Variants in BTBD6 observed in about 807,000 individuals in gnomAD.
BTBD6 encodes BTB domain containing 6.
A neutral mutation model predicts 40.6 loss-of-function variants in BTBD6; 30 were observed. The ratio of observed to expected loss-of-function variants is 0.74; its 90% confidence interval spans 0.55 to 1.00. The LOEUF (loss-of-function observed/expected upper bound fraction) is 1.00. Ranked by LOEUF, BTBD6 falls within the 50% of genes least tolerant of loss-of-function variation. BTBD6 has a pLI of 0.00. For synonymous variants in BTBD6, 378 were observed against 308.7 expected, an observed-to-expected ratio of 1.22 and a Z score of -2.35; for missense variants, 698 against 694.6, an observed-to-expected ratio of 1.00 and a Z score of -0.06.
chr14:105,249,765 A>G lies in BTBD6; in HGVS notation c.710A>G (p.Glu237Gly), dbSNP rs1013652929. ...GTCAACTTTCTGGAGACAAGTTTGG[A>G]AGCCAAGAACGCCTGCGTCCTGCTG... ...ACVNFLETSLEAKNACVLLSQ... is the reference protein window; with the variant it reads ...ACVNFLETSLGAKNACVLLSQ... The change falls in exon 4 of 4, where the codon GAA (glutamate) becomes GGA (glycine). Residue 237 changes from glutamate (E) to glycine (G), a missense_variant. Coordinates refer to ENST00000392554, the MANE Select transcript of BTBD6 (RefSeq NM_001387567.1). The G allele has an allele frequency of 1.2e-6, 2 of 1,613,792 alleles. No individual in the cohort carries two copies. Among genetic ancestry groups the G allele is most frequent in the Non-Finnish European group, 1.7e-6 (2 of 1,180,058 alleles).
rs2055299379 is a variant in BTBD6 at position 105,248,561 on chromosome 14, G to A, written c.-151G>A. 24 of 898,774 alleles carry A rather than the reference G, an allele frequency of 2.7e-5. No individual in the cohort carries two copies. The highest frequency in any genetic ancestry group is 1.4e-4 in the Admixed American group (2 of 14,136). The allele number at this position is 898,774 out of a possible 1,614,324, so 55.7% of individuals were successfully genotyped here. ...GCGTGACGCACCGGCGCCGCGGCGG[G>A]TACGGGCTCGGGCGGGCGGGCGGGC... On this transcript the variant is annotated 5_prime_UTR_variant, in exon 1 of 4. Coordinates refer to ENST00000392554, the MANE Select transcript of BTBD6 (RefSeq NM_001387567.1).
In BTBD6 at chr14:105,248,622, T is replaced by G; in HGVS notation, c.-90T>G. The G allele has an allele frequency of 1.0e-6, 1 of 976,034 alleles. No individual in the cohort carries two copies. Among genetic ancestry groups the G allele is most frequent in the Non-Finnish European group, 1.2e-6 (1 of 825,796 alleles). The allele number at this position is 976,034 out of a possible 1,614,324, so 60.5% of individuals were successfully genotyped here. On this transcript the variant is annotated 5_prime_UTR_variant, in exon 1 of 4. Transcript: ENST00000392554. ...CCCCCGCGGCCGGGCCTGGCCGGGC[T>G]GCGCTAGGCTGGGCTCGGGCAGGGT...
rs771678585 is a variant in BTBD6, at chr14:105,250,417, C to G, written c.1362C>G (p.Asn454Lys). 4 of 1,613,938 alleles carry G rather than the reference C, an allele frequency of 2.5e-6. No homozygotes were observed. The South Asian group carries it at 3.3e-5, about 13-fold the overall frequency. ...GGCTCGGGGTGGTTCTGGCTCAGAA[C>G]TTGACCAAGTTCATGTCAGACGGAT... Reference protein sequence around the residue: ...LKRLGVVLAQNLTKFMSDGSS... With the variant: ...LKRLGVVLAQKLTKFMSDGSS... The change falls in exon 4 of 4, where the codon AAC becomes AAG. Residue 454 changes from asparagine (N) to lysine (K), a missense_variant. Coordinates refer to ENST00000392554, the MANE Select transcript of BTBD6 (RefSeq NM_001387567.1).
At position 105,250,516 on chromosome 14, in the gene BTBD6, C is replaced by T. The variant is rs144025748; in HGVS notation, c.1461C>T (p.Ala487=). The change falls in exon 4 of 4, where the codon GCC becomes GCT. Residue 487 remains alanine, a synonymous_variant. Transcript: ENST00000392554. ...VEQDTFYTAS[A]VLDGSELSYF... is the part of the protein sequence containing the mutation. ...AAGACACCTTCTACACGGCCAGTGC[C>T]GTCCTGGACGGCAGCGAACTCAGCT... 10 of 1,613,958 alleles carry T rather than the reference C, an allele frequency of 6.2e-6. No individual in the cohort carries two copies. The highest frequency in any genetic ancestry group is 2.7e-5 in the African/African-American group (2 of 74,924).
Position 105,249,012 on chromosome 14 carries a change from G to T in BTBD6, c.301G>T (p.Ala101Ser), listed in dbSNP as rs1481864824. 1 of 1,094,774 alleles carries T rather than the reference G, an allele frequency of 9.1e-7. No individual in the cohort carries two copies. The highest frequency in any genetic ancestry group is 4.3e-5 in the South Asian group (1 of 23,222). 67.8% of individuals were successfully genotyped at this position (1,094,774 alleles called of 1,614,324 possible). A position where few individuals can be genotyped will look rare whatever the true frequency, so the allele number is the denominator to read the frequency against. Residue 101 changes from alanine to serine, a missense_variant, in exon 1 of 4, where the codon GCG becomes TCG. Ala to Ser is a moderately conservative substitution (Grantham distance 99). Coordinates refer to ENST00000392554, the MANE Select transcript of BTBD6 (RefSeq NM_001387567.1). ...GCCAGCGCCGCCGCCGCCCGCGCCC[G>T]CGCCGCCCACACTCGGCAACAACCA... is the stretch of plus-strand genomic sequence containing the variant. ...PAPAPPPPAP[A>S]PPTLGNNHQE...
chr14:105,248,833 C>G lies in BTBD6; in HGVS notation c.122C>G (p.Thr41Arg), dbSNP rs186857534. 4,038 of 989,138 alleles carry G rather than the reference C, an allele frequency of 4.1e-3. 151 individuals are homozygous for G. The African/African-American group carries it at 0.067, about 16-fold the overall frequency. The allele number at this position is 989,138 out of a possible 1,614,324, so 61.3% of individuals were successfully genotyped here. ...RGARARGAAS[T>R]GAEAAPAAPP... ...GCGAGGGCGCGGGGCGCGGCGTCCA[C>G]AGGCGCCGAGGCTGCCCCCGCCGCC... is the stretch of plus-strand genomic sequence containing the variant. The change falls in exon 1 of 4, where the codon ACA (threonine) becomes AGA (arginine). Residue 41 changes from threonine (T) to arginine (R), a missense_variant. By Grantham distance (71) the Thr-to-Arg change is moderately conservative. Coordinates refer to ENST00000392554, the MANE Select transcript of BTBD6 (RefSeq NM_001387567.1).
chr14:105,251,081 G>C lies in BTBD6; in HGVS notation c.*409G>C. 1 of 210,764 alleles carries C rather than the reference G, an allele frequency of 4.7e-6. No individual in the cohort carries two copies. Among genetic ancestry groups the C allele is most frequent in the Non-Finnish European group, 1.1e-5 (1 of 94,668 alleles). 13.1% of individuals were successfully genotyped at this position (210,764 alleles called of 1,614,324 possible). A position where few individuals can be genotyped will look rare whatever the true frequency, so the allele number is the denominator to read the frequency against. On this transcript the variant is annotated 3_prime_UTR_variant, in exon 4 of 4. Transcript: ENST00000392554. ...ATAGTGGACTTCTGTAATAAAGGTTGCCTAAAATAACACCCACGTGTCAGT... is the reference window on the plus strand; with the variant it reads ...ATAGTGGACTTCTGTAATAAAGGTTCCCTAAAATAACACCCACGTGTCAGT...
chr14:105,248,857 C>T lies in BTBD6; in HGVS notation c.146C>T (p.Ala49Val), dbSNP rs1015080509. 3.0e-6 allele frequency: 3 copies of T among 990,512 alleles called. No homozygotes were observed. The highest frequency in any genetic ancestry group is 6.2e-5 in the Admixed American group (1 of 16,106). 61.4% of individuals were successfully genotyped at this position (990,512 alleles called of 1,614,324 possible). Residue 49 changes from alanine to valine, a missense_variant, in exon 1 of 4, where the codon GCC becomes GTC. Ala to Val is a moderately conservative substitution (Grantham distance 64). Transcript: ENST00000392554. Reference sequence around the variant, plus strand: ...ACAGGCGCCGAGGCTGCCCCCGCCGCCCCGCCCGCGAAGATGGCGGCGGAA... The same window carrying T: ...ACAGGCGCCGAGGCTGCCCCCGCCGTCCCGCCCGCGAAGATGGCGGCGGAA... ...ASTGAEAAPA[A>V]PPAKMAAELY...
rs1446040131 is a variant in BTBD6, at chr14:105,248,601, CG to C, written c.-110del. On this transcript the variant is annotated 5_prime_UTR_variant, in exon 1 of 4. Transcript: ENST00000392554. The stretch of plus-strand genomic sequence containing the variant: ...GGCGGGCGGGCGGGACGGCGCCCCC[CG>C]CGGCCGGGCCTGGCCGGGCTGCGCT... 1 of 961,536 alleles carries C rather than the reference CG, an allele frequency of 1.0e-6. No individual in the cohort carries two copies. Among genetic ancestry groups the C allele is most frequent in the Non-Finnish European group, 1.2e-6 (1 of 815,198 alleles). The allele number at this position is 961,536 out of a possible 1,614,324, so 59.6% of individuals were successfully genotyped here.
At position 105,250,426 on chromosome 14, in the gene BTBD6, G is replaced by GTT. The variant is rs770927803; in HGVS notation, c.1372_1373dup (p.Met459SerfsTer45). 135 of 1,613,876 alleles carry GTT rather than the reference G, an allele frequency of 8.4e-5. No individual in the cohort carries two copies. Among genetic ancestry groups the GTT allele is most frequent in the Non-Finnish European group, 1.1e-4 (133 of 1,180,052 alleles). ...TGGTTCTGGCTCAGAACTTGACCAA[G>GTT]TTCATGTCAGACGGATCCAGTAACA... On this transcript the variant is annotated frameshift_variant, in exon 4 of 4. Coordinates refer to ENST00000392554, the MANE Select transcript of BTBD6 (RefSeq NM_001387567.1). LOFTEE classifies it high-confidence loss of function.
chr14:105,249,592 G>A (rs2055456213), intron 3 of BTBD6, 48 bp from the exon 4 acceptor site: 14 of 1,587,136 alleles, frequency 8.8e-6, no homozygotes, highest in Non-Finnish European at 1.1e-5. Flanking sequence ...CCAGCCCCGC[G>A]ATGGGTGCTT....
At position 105,250,923 on chromosome 14, in the gene BTBD6, C is replaced by G. The variant is rs2055570979; in HGVS notation, c.*251C>G. 1 of 506,490 alleles carries G rather than the reference C, an allele frequency of 2.0e-6. No homozygotes were observed. The allele number at this position is 506,490 out of a possible 1,614,324, so 31.4% of individuals were successfully genotyped here. A position where few individuals can be genotyped will look rare whatever the true frequency, so the allele number is the denominator to read the frequency against. On this transcript the variant is annotated 3_prime_UTR_variant, in exon 4 of 4. Coordinates refer to ENST00000392554, the MANE Select transcript of BTBD6 (RefSeq NM_001387567.1). The stretch of plus-strand genomic sequence containing the variant: ...TTACGGCTCAAGACAGGCCCCAGAT[C>G]CCCTCCCAGTGGCACCCATGCCACC...
chr14:105,250,450 C>A lies in BTBD6; in HGVS notation c.1395C>A (p.Asn465Lys). Residue 465 changes from asparagine to lysine, a missense_variant, in exon 4 of 4, where the codon AAC becomes AAA. Transcript: ENST00000392554. ...LTKFMSDGSSNTFPVWFEHPV... is the reference protein window; with the variant it reads ...LTKFMSDGSSKTFPVWFEHPV... ...AGTTCATGTCAGACGGATCCAGTAA[C>A]ACCTTCCCGGTCTGGTTTGAACACC... is the stretch of plus-strand genomic sequence containing the variant. 1 of 1,614,020 alleles carries A rather than the reference C, an allele frequency of 6.2e-7. No homozygotes were observed. Among genetic ancestry groups the A allele is most frequent in the Non-Finnish European group, 8.5e-7 (1 of 1,180,034 alleles).
Position 105,249,203 on chromosome 14 carries a change from G to C in BTBD6, c.421G>C (p.Val141Leu), listed in dbSNP as rs758096727. Residue 141 changes from valine (V) to leucine (L), a missense_variant, in exon 2 of 4, where the codon GTC becomes CTC. Physicochemically the swap from Val to Leu is conservative, Grantham distance 32. Transcript: ENST00000392554. The stretch of plus-strand genomic sequence containing the variant: ...CGAGCTCATGGCCGACGTGCACTTC[G>C]TCGTGGGGCCCCCGGGGGCGACCAG... ...NNELMADVHF[V>L]VGPPGATRTV... The C allele has an allele frequency of 6.3e-7, 1 of 1,589,022 alleles. No individual in the cohort carries two copies. Among genetic ancestry groups the C allele is most frequent in the Non-Finnish European group, 8.5e-7 (1 of 1,174,538 alleles).
rs1555384305 is a variant in BTBD6, at chr14:105,248,577, G to GCGGGCT, written c.-130_-129insTCGGGC. ...CCGCGGCGGGTACGGGCTCGGGCGG[G>GCGGGCT]CGGGCGGGCGGGACGGCGCCCCCCG... On this transcript the variant is annotated 5_prime_UTR_variant, in exon 1 of 4. Transcript: ENST00000392554. 1.4e-5 allele frequency: 13 copies of GCGGGCT among 912,086 alleles called. No individual in the cohort carries two copies. Among genetic ancestry groups the GCGGGCT allele is most frequent in the Non-Finnish European group, 1.5e-5 (12 of 774,378 alleles). 56.5% of individuals were successfully genotyped at this position (912,086 alleles called of 1,614,324 possible).
chr14:105,248,588 G>GGCGGGCGGGCGT lies in BTBD6; in HGVS notation c.-123_-122insCGGGCGGGCGTG. 2 of 601,760 alleles carry GGCGGGCGGGCGT rather than the reference G, an allele frequency of 3.3e-6. No homozygotes were observed. Among genetic ancestry groups the GGCGGGCGGGCGT allele is most frequent in the Non-Finnish European group, 4.1e-6 (2 of 490,972 alleles). The allele number at this position is 601,760 out of a possible 1,614,324, so 37.3% of individuals were successfully genotyped here. A position where few individuals can be genotyped will look rare whatever the true frequency, so the allele number is the denominator to read the frequency against. ...ACGGGCTCGGGCGGGCGGGCGGGCG[G>GGCGGGCGGGCGT]GACGGCGCCCCCCGCGGCCGGGCCT... On this transcript the variant is annotated 5_prime_UTR_variant, in exon 1 of 4. Coordinates refer to ENST00000392554, the MANE Select transcript of BTBD6 (RefSeq NM_001387567.1).
In BTBD6 at chr14:105,249,666, TG is replaced by T; in HGVS notation, c.613del (p.Glu205LysfsTer52). On this transcript the variant is annotated frameshift_variant, in exon 4 of 4. Transcript: ENST00000392554. LOFTEE classifies it high-confidence loss of function. The part of the protein sequence containing the change: ...LKYMYSDEID[L>X]EADTVLATLY... ...TACATGTACAGTGATGAGATCGATC[TG>T]GAAGCCGACACGGTGCTGGCCACTC... 6.2e-7 allele frequency: 1 copy of T among 1,612,884 alleles called. No homozygotes were observed. Among genetic ancestry groups the T allele is most frequent in the Non-Finnish European group, 8.5e-7 (1 of 1,179,568 alleles).
Position 105,249,391 on chromosome 14 carries a change from A to G in BTBD6, c.497A>G (p.Tyr166Cys), listed in dbSNP as rs1456156800. The change falls in exon 3 of 4, where the codon TAT becomes TGT. Residue 166 changes from tyrosine (Y) to cysteine (C), a missense_variant. Physicochemically the swap from Tyr to Cys is radical, Grantham distance 194 (BLOSUM62 -2). Transcript: ENST00000392554. The part of the protein sequence containing the change: ...YVLAVGSSVF[Y>C]AMFYGDLAEV... ...TTGGCTGTCGGCAGCTCCGTCTTCT[A>G]TGCCATGTTCTACGGAGACCTGGCG... The G allele has an allele frequency of 6.2e-7, 1 of 1,612,984 alleles. No homozygotes were observed. Among genetic ancestry groups the G allele is most frequent in the South Asian group, 1.1e-5 (1 of 90,950 alleles).
intron 2 of BTBD6, 23 bp downstream of exon 2, chr14:105,249,270 G>C: frequency 6.4e-7 from 1 of 1,563,738 alleles, no homozygotes; most frequent in Admixed American, 1.9e-5. Flanking sequence ...GGCCCCTCTC[G>C]GAACGCGTGC....
Sources: gnomAD v4.1 joint callset for allele counts on GRCh38, gnomAD v4.1.1 for gene constraint, MANE v1.5 for transcripts, NCBI Gene and HGNC (gene_info 2026-07-23, HGNC 2026-07-21) for gene names.